Variants in P2RX5 observed in about 807,000 individuals in gnomAD.
The protein encoded by P2RX5 is P2X purinoceptor 5.
In P2RX5, 46 loss-of-function variants were observed where a neutral mutation model predicts 54.1. The ratio of observed to expected loss-of-function variants is 0.85; its 90% CI spans 0.67 to 1.09. The LOEUF (loss-of-function observed/expected upper bound fraction) is 1.09. Among genes scored for constraint, P2RX5 ranks in the 50% least tolerant of loss-of-function variants. The probability of loss-of-function intolerance (pLI) is 0.00; values close to 1 mark genes in which losing one functional copy is unlikely to be tolerated. For missense variants in P2RX5, 566 were observed against 549.8 expected, an observed-to-expected ratio of 1.03 and a Z score of -0.29; for synonymous variants, 226 against 226.4, an observed-to-expected ratio of 1.00 and a Z score of 0.02.
chr17:3,699,822 GAA>G (rs1491578971), upstream of P2RX5, among the ~76,000 whole-genome samples: 593 of 123,354 alleles, frequency 4.8e-3, 11 homozygotes, highest in African/African-American at 0.016. Flanking sequence ...AAGAAAGAGA[GAA>G]AGAGAGAGAG....
At chr17:3,688,884 G>C (rs1347213101) in intron 7 of P2RX5, 125 bp from the exon 8 acceptor site, 4 of 1,042,546 alleles carry the variant, frequency 3.8e-6, no homozygotes, top group African/African-American at 1.6e-5. Flanking sequence ...AGCCCCTCGA[G>C]ACCACCCTCC....
the P2RX5 span, among the ~76,000 whole-genome samples, chr17:3,710,702 C>T: frequency 0.02 from 3,100 of 151,982 alleles, 46 homozygotes; most frequent in Non-Finnish European, 0.031. Context: ...CCGAGGTGAG[C>T]GGATCACTTG....
chr17:3,707,875 G>A, the P2RX5 span, among the ~76,000 whole-genome samples: 2 of 152,086 alleles, frequency 1.3e-5, no homozygotes, highest in South Asian at 2.1e-4. Flanking sequence ...TGGCTAACAC[G>A]GTGAAACCCT....
chr17:3,699,984 GTATT>G (rs57191733), upstream of P2RX5, among the ~76,000 whole-genome samples: 33,881 of 146,770 alleles, frequency 0.23, 5,006 homozygotes, highest in South Asian at 0.5. Context: ...GAAAATTAGT[GTATT>G]TAAGGAAGTA....
chr17:3,706,893 C>A, the P2RX5 span, among the ~76,000 whole-genome samples: 25 of 152,138 alleles, frequency 1.6e-4, no homozygotes, highest in South Asian at 6.2e-4. Context: ...TACAGGCGTG[C>A]GCCACTGCGC....
the P2RX5 span, among the ~76,000 whole-genome samples, chr17:3,702,240 C>T: frequency 1.6e-5 from 1 of 61,156 alleles, no homozygotes; most frequent in Admixed American, 1.5e-4. Flanking sequence ...TGCTTTGTGT[C>T]TAGCTAAAGG....
At chr17:3,683,459 G>C (rs546893919) in intron 9 of P2RX5, among the ~76,000 whole-genome samples, 1 of 152,258 alleles carries the variant, frequency 6.6e-6, no homozygotes, top group Non-Finnish European at 1.5e-5. Context: ...TGGGCTGGGC[G>C]CAGTGGCTCA....
intron 11 of P2RX5, among the ~76,000 whole-genome samples, chr17:3,674,665 C>T (rs1449932573): frequency 2.0e-5 from 3 of 152,334 alleles, no homozygotes; most frequent in Admixed American, 1.3e-4. Flanking sequence ...TCCTGTCTGC[C>T]GCCTTCACCC....
At chr17:3,705,742 G>A in the P2RX5 span, among the ~76,000 whole-genome samples, 1 of 152,154 alleles carries the variant, frequency 6.6e-6, no homozygotes, top group Non-Finnish European at 1.5e-5. Flanking sequence ...TACTTGAAGT[G>A]TCTGGGGTAG....
chr17:3,720,959 C>T, the P2RX5 span, among the ~76,000 whole-genome samples: 2 of 152,106 alleles, frequency 1.3e-5, no homozygotes, highest in African/African-American at 2.4e-5. Context: ...GACAGGATCT[C>T]GCTCTGTCAC....
At chr17:3,675,513 G>A (rs534938618) in intron 11 of P2RX5, 4 of 984,966 alleles carry the variant, frequency 4.1e-6, no homozygotes, top group East Asian at 2.3e-4. Context: ...CTTTGCGTCA[G>A]TGAAGAAGTG....
intron 9 of P2RX5, among the ~76,000 whole-genome samples, chr17:3,684,905 G>T (rs1162479057): frequency 2.9e-5 from 4 of 135,712 alleles, no homozygotes; most frequent in Non-Finnish European, 4.6e-5. Flanking sequence ...GGGTGCAGTT[G>T]TGTGATCTGG....
the P2RX5 span, chr17:3,723,758 C>T: frequency 6.2e-7 from 1 of 1,606,358 alleles, no homozygotes; most frequent in East Asian, 2.2e-5. Context: ...AAACGAGAGC[C>T]ATGACCGCGA....
chr17:3,721,181 A>G, the P2RX5 span, among the ~76,000 whole-genome samples: 2 of 147,730 alleles, frequency 1.4e-5, no homozygotes, highest in Non-Finnish European at 3.0e-5. Flanking sequence ...CACCCACCTT[A>G]GCCTCCCACA....
the P2RX5 span, among the ~76,000 whole-genome samples, chr17:3,702,796 C>T: frequency 6.6e-5 from 10 of 152,250 alleles, no homozygotes; most frequent in Non-Finnish European, 1.0e-4. Context: ...GTTCCAGACA[C>T]ATTGGGACTA....
the P2RX5 span, chr17:3,720,540 A>C: frequency 1.9e-6 from 1 of 530,050 alleles, no homozygotes; most frequent in Non-Finnish European, 3.3e-6. Context: ...ACAACACTAC[A>C]TAAAGTTACC....
At chr17:3,680,848 C>T (rs1210272325) in intron 10 of P2RX5, among the ~76,000 whole-genome samples, 1 of 138,400 alleles carries the variant, frequency 7.2e-6, no homozygotes, top group Non-Finnish European at 1.5e-5. Flanking sequence ...CTCCACCCTG[C>T]ATCCTCCACC....
Position 3,689,487 on chromosome 17 carries a change from C to A in P2RX5, c.753+5G>T, listed in dbSNP as rs768722804. On this transcript the variant is annotated splice_donor_5th_base_variant and intron_variant, in intron 7 of 11. Transcript: ENST00000225328. Reference sequence around the variant, plus strand: ...GGGAGGGCTCCCTGCGTGCACCCCACCCACCTCCAGGGCTATATCCTGGAA... The same window carrying A: ...GGGAGGGCTCCCTGCGTGCACCCCAACCACCTCCAGGGCTATATCCTGGAA... 2 of 1,614,016 alleles carry A rather than the reference C, an allele frequency of 1.2e-6. No individual in the cohort carries two copies. The highest frequency in any genetic ancestry group is 2.2e-5 in the South Asian group (2 of 91,086).
At chr17:3,711,041 C>T in the P2RX5 span, among the ~76,000 whole-genome samples, 1 of 152,228 alleles carries the variant, frequency 6.6e-6, no homozygotes. Flanking sequence ...TGGCATGACT[C>T]ACTGTTCTTG....
Sources: allele counts gnomAD v4.1 joint callset (sites outside exome capture counted in the v4.1 genomes callset), GRCh38; gene constraint gnomAD v4.1.1; transcripts MANE v1.5; gene names NCBI Gene and HGNC (gene_info 2026-07-23, HGNC 2026-07-21).